Variants in CENPI observed in about 807,000 individuals in gnomAD.
CENPI encodes FSH primary response 1.
Under a neutral mutation model 60.4 loss-of-function variants are expected in CENPI, and 4 were observed. That is an observed-to-expected ratio of 0.07 (90% CI 0.03 to 0.15). The LOEUF (loss-of-function observed/expected upper bound fraction) is 0.15. Ranked by LOEUF, CENPI falls within the 10% of genes least tolerant of loss-of-function variation. CENPI has a pLI of 1.00. For synonymous variants in CENPI, 157 were observed against 189.4 expected, an observed-to-expected ratio of 0.83 and a Z score of 1.40; for missense variants, 444 against 534.5, an observed-to-expected ratio of 0.83 and a Z score of 1.67.
chrX:101,150,283 C>T (rs775271190), intron 20 of CENPI, among the ~76,000 whole-genome samples: 7 of 106,960 alleles, frequency 6.5e-5, no homozygotes, highest in Non-Finnish European at 1.1e-4. Context: ...CTTCTACAAA[C>T]GTAAGGTGCA....
chrX:101,173,140 C>G, the CENPI span, among the ~76,000 whole-genome samples: 1 of 103,664 alleles, frequency 9.6e-6, no homozygotes, highest in Non-Finnish European at 2.0e-5. Context: ...CTCAGCCTCC[C>G]GAGTAGCTGA....
chrX:101,098,948 A>T, intron 2 of CENPI: 1 of 111,634 alleles, frequency 9.0e-6, no homozygotes, highest in East Asian at 2.8e-4. Flanking sequence ...ATATGAACTT[A>T]GTCCCTGGCT....
rs1406863768 is a variant in CENPI, at chrX:101,130,085, C to G, written c.1287+12C>G. ...AGTGCTTCTTACAAGTAAGATTTCACTTGCTTCTTCCACTCTCCACCACTC... is the reference window on the plus strand; with the variant it reads ...AGTGCTTCTTACAAGTAAGATTTCAGTTGCTTCTTCCACTCTCCACCACTC... On this transcript the variant is annotated intron_variant, in intron 13 of 21. Coordinates refer to ENST00000682095, the MANE Select transcript of CENPI (RefSeq NM_001386188.2). 4 of 1,093,566 alleles carry G rather than the reference C, an allele frequency of 3.7e-6. No individual in the cohort carries two copies. The highest frequency in any genetic ancestry group is 3.8e-6 in the Non-Finnish European group (3 of 789,601). 90.1% of individuals were successfully genotyped at this position (1,093,566 alleles called of 1,213,427 possible). A position where few individuals can be genotyped will look rare whatever the true frequency, so the allele number is the denominator to read the frequency against.
At chrX:101,122,083 G>A (rs1378450566) in intron 8 of CENPI, among the ~76,000 whole-genome samples, 1 of 111,567 alleles carries the variant, frequency 9.0e-6, no homozygotes, top group Non-Finnish European at 1.9e-5. Flanking sequence ...GGGATTACAG[G>A]TGTGAGCCGC....
chrX:101,123,618 C>A (rs1234674974), intron 8 of CENPI, among the ~76,000 whole-genome samples: 1 of 110,582 alleles, frequency 9.0e-6, no homozygotes, highest in Admixed American at 9.7e-5. Context: ...ACGGGGGTCT[C>A]ACTTTGTCAC....
intron 18 of CENPI, among the ~76,000 whole-genome samples, chrX:101,146,956 G>A (rs183517444): frequency 0.011 from 1,202 of 111,099 alleles, 11 homozygotes; most frequent in Middle Eastern, 0.018. Context: ...AGCTGGTCTC[G>A]AACTCCTGAC....
At chrX:101,102,490 T>TACACACACACACAC (rs776207901) in intron 4 of CENPI, 79 bp downstream of exon 4, 28 of 296,025 alleles carry the variant, frequency 9.5e-5, no homozygotes, top group South Asian at 3.7e-4. Flanking sequence ...AAATCTTATA[T>TACACACACACACAC]ATATATACAC....
chrX:101,124,767 T>C lies in CENPI; in HGVS notation c.688-1942T>C, dbSNP rs984386892. Among the ~76,000 whole-genome samples the C allele has an allele frequency of 2.7e-5, 3 of 111,877 alleles. No homozygotes were observed. In the South Asian group the frequency reaches 1.1e-3, roughly 42 times the overall value. The stretch of plus-strand genomic sequence containing the variant: ...AATTCTTTTCCTTCCTGCCATCGTG[T>C]GAAGAAGGATGTGTTTGCTTCCCCT... On this transcript the variant is annotated intron_variant, in intron 8 of 21. Transcript: ENST00000682095.
intron 15 of CENPI, among the ~76,000 whole-genome samples, chrX:101,136,920 C>G (rs1264398242): frequency 9.0e-6 from 1 of 111,443 alleles, no homozygotes; most frequent in Non-Finnish European, 1.9e-5. Context: ...TTATTTCTCT[C>G]TCTTTTTTTA....
At position 101,140,151 on chromosome X, in the gene CENPI, T is replaced by C. The variant is rs781726491; in HGVS notation, c.1471-515T>C. On this transcript the variant is annotated intron_variant, in intron 15 of 21. Coordinates refer to ENST00000682095, the MANE Select transcript of CENPI (RefSeq NM_001386188.2). ...GCACCCAGCCCATCATTGTATGTTT[T>C]TGTATGTGATTGAGGCTTGGGAAAT... 5.3e-5 allele frequency among the ~76,000 whole-genome samples: 6 copies of C among 112,312 alleles called. No individual in the cohort carries two copies. The East Asian group carries it at 1.7e-3, about 31-fold the overall frequency.
intron 20 of CENPI, among the ~76,000 whole-genome samples, chrX:101,157,181 T>A (rs1289392355): frequency 2.7e-5 from 3 of 111,980 alleles, no homozygotes; most frequent in African/African-American, 9.7e-5. Context: ...TAACTTTTTT[T>A]ATTATGGCCA....
At chrX:101,107,060 CA>C (rs777807842) in intron 4 of CENPI, among the ~76,000 whole-genome samples, 19,449 of 61,812 alleles carry the variant, frequency 0.31, 2,282 homozygotes, top group Middle Eastern at 0.38. Flanking sequence ...GACCCTGTCT[CA>C]AAAAAAAAAA....
In CENPI at chrX:101,140,079, G is replaced by A. The variant is rs1298808412; in HGVS notation, c.1471-587G>A. Among the ~76,000 whole-genome samples the A allele has an allele frequency of 1.1e-4, 12 of 111,547 alleles. No individual in the cohort carries two copies. In the South Asian group the frequency reaches 2.2e-3, roughly 21 times the overall value. On this transcript the variant is annotated intron_variant, in intron 15 of 21. Coordinates refer to ENST00000682095, the MANE Select transcript of CENPI (RefSeq NM_001386188.2). ...TCTCGATCTGCTGACCTTCTGATCC[G>A]CCCGCCTCGGCCTCCCAAAGTGCTG...
chrX:101,099,704 A>G (rs1295573362), intron 2 of CENPI: 2 of 110,184 alleles, frequency 1.8e-5, no homozygotes, highest in African/African-American at 6.6e-5. Flanking sequence ...CACTTATTAC[A>G]AAGTTACAAT....
intron 6 of CENPI, among the ~76,000 whole-genome samples, chrX:101,111,078 G>T (rs2089548454): frequency 9.0e-6 from 1 of 111,515 alleles, no homozygotes; most frequent in African/African-American, 3.3e-5. Flanking sequence ...AGGACAGATT[G>T]TAGAGGTCTT....
At chrX:101,139,109 T>C (rs1467034846) in intron 15 of CENPI, among the ~76,000 whole-genome samples, 2 of 93,420 alleles carry the variant, frequency 2.1e-5, no homozygotes, top group Non-Finnish European at 4.3e-5. Flanking sequence ...TTTTTTTTTT[T>C]TGAGACAGTG....
intron 5 of CENPI, 52 bp from the exon 6 acceptor site, chrX:101,109,839 C>T (rs764649491): frequency 1.1e-6 from 1 of 922,028 alleles, no homozygotes; most frequent in African/African-American, 1.9e-5. Flanking sequence ...GAATTAAACT[C>T]TTCTGTACCA....
At chrX:101,174,263 T>A in the CENPI span, among the ~76,000 whole-genome samples, 1 of 111,929 alleles carries the variant, frequency 8.9e-6, no homozygotes, top group Non-Finnish European at 1.9e-5. Flanking sequence ...TATATCTATA[T>A]CCATATCTGT....
intron 18 of CENPI, 59 bp downstream of exon 18, chrX:101,146,336 C>T: frequency 1.9e-6 from 2 of 1,040,671 alleles, no homozygotes; most frequent in Non-Finnish European, 2.6e-6. Flanking sequence ...CTTCCTCTTT[C>T]AGCTATAATA....
Sources: gnomAD v4.1 joint callset for allele counts (sites outside exome capture counted in the v4.1 genomes callset) on GRCh38, gnomAD v4.1.1 for gene constraint, MANE v1.5 for transcripts, NCBI Gene and HGNC (gene_info 2026-07-23, HGNC 2026-07-21) for gene names.